VSIG1: variants seen among roughly 807,000 people sequenced by gnomAD.
VSIG1 encodes the protein V-set and immunoglobulin domain containing 1, also known as V-set and immunoglobulin domain-containing protein 1.
VSIG1 carries 11 observed loss-of-function variants against 20.1 expected under a neutral mutation model. The observed-to-expected ratio is 0.55, with a 90% confidence interval of 0.34 to 0.91. The LOEUF (loss-of-function observed/expected upper bound fraction) is 0.91, where lower values mean the gene tolerates loss of function less well. VSIG1 is among the 40% of genes least tolerant of loss of function. The pLI is 0.02. For missense variants in VSIG1, 283 were observed against 298.8 expected (o/e 0.95, Z 0.39); for synonymous variants, 126 against 116.7 (o/e 1.08, Z -0.52).
chrX:108,052,507 T>C (rs1281816760), intron 1 of VSIG1, among the ~76,000 whole-genome samples: 5 of 110,370 alleles, frequency 4.5e-5, no homozygotes, highest in African/African-American at 1.7e-4. Context: ...TCCTAGCTAC[T>C]CGGGATGCTG....
intron 3 of VSIG1, among the ~76,000 whole-genome samples, chrX:108,070,670 T>C (rs2031220368): frequency 1.8e-5 from 2 of 112,324 alleles, no homozygotes; most frequent in South Asian, 7.3e-4. Context: ...TATCTAAATC[T>C]AGTGATAGCT....
the VSIG1 span, among the ~76,000 whole-genome samples, chrX:108,021,178 T>C: frequency 6.2e-4 from 69 of 111,593 alleles, no homozygotes; most frequent in African/African-American, 2.1e-3. Context: ...GCTGGGCAGA[T>C]TGGGGGAAAG....
chrX:108,050,821 A>G (rs1325951722), intron 1 of VSIG1, among the ~76,000 whole-genome samples: 1 of 111,752 alleles, frequency 8.9e-6, no homozygotes, highest in Non-Finnish European at 1.9e-5. Context: ...GCTAAGCACA[A>G]GTATAAACCC....
rs1455944942 is a variant in VSIG1, at chrX:108,047,959, CACATATATATAT to C, written c.49+2782_49+2793del. 2.0e-3 allele frequency among the ~76,000 whole-genome samples: 30 copies of C among 14,794 alleles called. 1 individual carries two copies. Among genetic ancestry groups the C allele is most frequent in the African/African-American group, 3.3e-3 (8 of 2,419 alleles). The allele number at this position is 14,794 out of a possible 115,157, so 12.8% of individuals were successfully genotyped here. A position where few individuals can be genotyped will look rare whatever the true frequency, so the allele number is the denominator to read the frequency against. ...ACACATATATATATATATATACACA[CACATATATATAT>C]ATATATATATATATATATATATATA... On this transcript the variant is annotated intron_variant, in intron 1 of 6. Transcript: ENST00000217957.
At chrX:108,026,623 T>C in the VSIG1 span, among the ~76,000 whole-genome samples, 2 of 111,488 alleles carry the variant, frequency 1.8e-5, no homozygotes, top group South Asian at 3.8e-4. Flanking sequence ...GTTAAGCCTA[T>C]AAATTCAGCT....
chrX:108,023,390 T>C, the VSIG1 span, among the ~76,000 whole-genome samples: 5 of 112,260 alleles, frequency 4.5e-5, no homozygotes, highest in African/African-American at 1.6e-4. Context: ...TCTATATTCA[T>C]AAGGAGTTTT....
chrX:108,032,703 T>G, the VSIG1 span, among the ~76,000 whole-genome samples: 2 of 111,032 alleles, frequency 1.8e-5, no homozygotes, highest in Non-Finnish European at 3.8e-5. Context: ...GCAAAGGCCC[T>G]GAAGTGGGAG....
chrX:108,050,548 T>C (rs2030764002), intron 1 of VSIG1, among the ~76,000 whole-genome samples: 1 of 112,368 alleles, frequency 8.9e-6, no homozygotes, highest in African/African-American at 3.2e-5. Context: ...TGTATAGTGC[T>C]CCCCAAAGTG....
At chrX:108,065,910 G>A (rs906179762) in intron 2 of VSIG1, among the ~76,000 whole-genome samples, 2 of 111,571 alleles carry the variant, frequency 1.8e-5, no homozygotes, top group Middle Eastern at 4.2e-3. Flanking sequence ...AAAGGTTGGA[G>A]AGATTAAATA....
intron 2 of VSIG1, among the ~76,000 whole-genome samples, chrX:108,060,636 G>T: frequency 9.0e-6 from 1 of 111,668 alleles, no homozygotes; most frequent in African/African-American, 3.2e-5. Context: ...GAAATCTCAT[G>T]ATGAATGTCA....
At chrX:108,037,499 A>G in the VSIG1 span, among the ~76,000 whole-genome samples, 4 of 111,836 alleles carry the variant, frequency 3.6e-5, no homozygotes, top group East Asian at 8.4e-4. Flanking sequence ...CACCTCATTT[A>G]TTGACTACGA....
intron 3 of VSIG1, among the ~76,000 whole-genome samples, chrX:108,070,002 A>C (rs964486204): frequency 8.9e-6 from 1 of 112,353 alleles, no homozygotes; most frequent in Non-Finnish European, 1.9e-5. Context: ...AGCAATGGGC[A>C]AAGAACCAGG....
chrX:108,051,315 C>A (rs752813856), intron 1 of VSIG1, among the ~76,000 whole-genome samples: 2 of 111,280 alleles, frequency 1.8e-5, no homozygotes, highest in Non-Finnish European at 3.8e-5. Context: ...AAGTGTCCCA[C>A]CATACCTACC....
chrX:108,039,898 T>A, the VSIG1 span, among the ~76,000 whole-genome samples: 3 of 104,764 alleles, frequency 2.9e-5, no homozygotes, highest in African/African-American at 1.0e-4. Context: ...GATAAAATTA[T>A]AGAAGCATTA....
chrX:108,026,901 T>G, the VSIG1 span, among the ~76,000 whole-genome samples: 1 of 111,648 alleles, frequency 9.0e-6, no homozygotes, highest in African/African-American at 3.2e-5. Context: ...AGAAGATACA[T>G]AAATGGCCAA....
At chrX:108,052,349 G>A (rs985269642) in intron 1 of VSIG1, among the ~76,000 whole-genome samples, 3 of 111,467 alleles carry the variant, frequency 2.7e-5, no homozygotes, top group Admixed American at 1.9e-4. Flanking sequence ...CTGTAATCCC[G>A]CCACTTTGGG....
At chrX:108,021,013 C>T in the VSIG1 span, among the ~76,000 whole-genome samples, 1 of 111,902 alleles carries the variant, frequency 8.9e-6, no homozygotes, top group Non-Finnish European at 1.9e-5. Flanking sequence ...AGAAATATTC[C>T]TCTCTTCAGG....
At chrX:108,041,501 A>C (rs181319761), upstream of VSIG1, among the ~76,000 whole-genome samples, 852 of 110,980 alleles carry the variant, frequency 7.7e-3, 2 homozygotes, top group African/African-American at 0.026. Context: ...GGAGAAAAGC[A>C]AATTATAGAA....
At chrX:108,019,380 C>G in the VSIG1 span, among the ~76,000 whole-genome samples, 1 of 112,378 alleles carries the variant, frequency 8.9e-6, no homozygotes, top group Non-Finnish European at 1.9e-5. Context: ...CCTGCCCCCC[C>G]GTGTTGCATA....
Sources: allele counts gnomAD v4.1 joint callset (sites outside exome capture counted in the v4.1 genomes callset), GRCh38; gene constraint gnomAD v4.1.1; transcripts MANE v1.5; gene names NCBI Gene and HGNC (gene_info 2026-07-23, HGNC 2026-07-21).